Variants in SERPINB3 observed in about 807,000 individuals in gnomAD.
SERPINB3 encodes the protein serpin family B member 3.
Under a neutral mutation model 33.0 loss-of-function variants are expected in SERPINB3, and 33 were observed. That is an observed-to-expected ratio of 1.00 (90% CI 0.76 to 1.34). SERPINB3 has a LOEUF of 1.34. Ranked by LOEUF, SERPINB3 falls within the 40% of genes most tolerant of loss-of-function variation. SERPINB3 has a pLI of 0.00. For missense variants in SERPINB3, 518 were observed against 461.5 expected (o/e 1.12, Z -1.12); for synonymous variants, 200 against 170.9 (o/e 1.17, Z -1.33).
chr18:63,655,600 T>C lies in SERPINB3; in HGVS notation c.*57A>G. The C allele has an allele frequency of 6.6e-7, 1 of 1,526,668 alleles. No homozygotes were observed. The highest frequency in any genetic ancestry group is 2.0e-5 in the Admixed American group (1 of 50,132). 94.6% of individuals were successfully genotyped at this position (1,526,668 alleles called of 1,614,324 possible). A position where few individuals can be genotyped will look rare whatever the true frequency, so the allele number is the denominator to read the frequency against. On this transcript the variant is annotated 3_prime_UTR_variant, in exon 8 of 8. Transcript: ENST00000283752. ...AGAATCTGTTGTTGCCAGCAATCAG[T>C]TTACCAGAACATCTGCAGGTGAACA...
Position 63,657,353 on chromosome 18 carries a change from CA to C in SERPINB3, c.528del (p.Val177Ter). The part of the protein sequence containing the change: ...GNIGSNTTLV[L>X]VNAIYFKGQW... Reference sequence around the variant, plus strand: ...TGCCCTTTGAAATAGATTGCGTTCACAAGAACCAATGTGGTATTGCTGCCAA... The same window carrying C: ...TGCCCTTTGAAATAGATTGCGTTCACAGAACCAATGTGGTATTGCTGCCAA... On this transcript the variant is annotated frameshift_variant, in exon 6 of 8. Coordinates refer to ENST00000283752, the MANE Select transcript of SERPINB3 (RefSeq NM_006919.3). LOFTEE classifies it high-confidence loss of function. 1 of 1,610,666 alleles carries C rather than the reference CA, an allele frequency of 6.2e-7. No homozygotes were observed. The highest frequency in any genetic ancestry group is 8.5e-7 in the Non-Finnish European group (1 of 1,177,718).
rs1181629101 is a variant in SERPINB3 at position 63,655,815 on chromosome 18, C to G, written c.1015G>C (p.Glu339Gln). The change falls in exon 8 of 8, where the codon GAG (glutamate) becomes CAG (glutamine). Residue 339 changes from glutamate (E) to glutamine (Q), a missense_variant. Glu to Gln is a conservative substitution (Grantham distance 29). Transcript: ENST00000283752. ...GTGGCAGCTGCAGCTTCTGCTCCCT[C>G]CTCTGTAACCTCCACAAAGGCCTTG... is the stretch of plus-strand genomic sequence containing the variant. Reference protein sequence around the residue: ...LHKAFVEVTEEGAEAAAATAV... With the variant: ...LHKAFVEVTEQGAEAAAATAV... 1.9e-6 allele frequency: 3 copies of G among 1,613,998 alleles called. No homozygotes were observed. Among genetic ancestry groups the G allele is most frequent in the Admixed American group, 1.7e-5 (1 of 59,992 alleles).
In SERPINB3 at chr18:63,656,912, G is replaced by A. The variant is rs1481187041; in HGVS notation, c.687C>T (p.Ala229=). 1 of 1,613,392 alleles carries A rather than the reference G, an allele frequency of 6.2e-7. No homozygotes were observed. The highest frequency in any genetic ancestry group is 2.2e-5 in the East Asian group (1 of 44,860). ...FHFASLEDVQ[A]KVLEIPYKGK... ...CTTTGTATGGTATTTCCAGGACCTT[G>A]GCCTGTACATCCTCCAGCGAGGCAA... Residue 229 remains alanine (A), a synonymous_variant, in exon 7 of 8, where the codon GCC becomes GCT. Coordinates refer to ENST00000283752, the MANE Select transcript of SERPINB3 (RefSeq NM_006919.3).
At position 63,655,766 on chromosome 18, in the gene SERPINB3, G is replaced by T. The variant is rs778092071; in HGVS notation, c.1064C>A (p.Ser355Ter). ...AATAVVGFGS[S>*]PTSTNEEFHC... ...GAACTCTTCATTAGTTGAAGTAGGT[G>T]ATGATCCGAATCCTACTACAGCGGT... Residue 355 changes from serine to a stop codon, truncating the protein, a stop_gained, in exon 8 of 8, where the codon TCA becomes TAA. Transcript: ENST00000283752. LOFTEE classifies it low-confidence loss of function (END_TRUNC). 52 of 1,613,012 alleles carry T rather than the reference G, an allele frequency of 3.2e-5. 2 individuals carry two copies. In the South Asian group the frequency reaches 5.5e-4, roughly 17 times the overall value.
intron 7 of SERPINB3, among the ~76,000 whole-genome samples, chr18:63,656,531 G>C (rs368664842): frequency 6.6e-6 from 1 of 151,966 alleles, no homozygotes. Context: ...TGGTGTATTC[G>C]TAAACTTTCC....
At chr18:63,657,067 C>A in intron 6 of SERPINB3, 81 bp from the exon 7 acceptor site, 1 of 1,246,960 alleles carries the variant, frequency 8.0e-7, no homozygotes. Flanking sequence ...TCAACACATC[C>A]TTCTTTTAAG....
chr18:63,656,871 A>G lies in SERPINB3; in HGVS notation c.728T>C (p.Met243Thr). 6.2e-7 allele frequency: 1 copy of G among 1,612,944 alleles called. No homozygotes were observed. The change falls in exon 7 of 8, where the codon ATG becomes ACG. Residue 243 changes from methionine to threonine, a missense_variant. By Grantham distance (81) the Met-to-Thr change is moderately conservative. Transcript: ENST00000283752. Reference protein sequence around the residue: ...EIPYKGKDLSMIVLLPNEIDG... With the variant: ...EIPYKGKDLSTIVLLPNEIDG... ...GATTTCATTTGGCAGCAACACAATCATGCTTAGATCTTTGCCTTTGTATGG... is the reference window on the plus strand; with the variant it reads ...GATTTCATTTGGCAGCAACACAATCGTGCTTAGATCTTTGCCTTTGTATGG...
At chr18:63,657,684 C>T (rs1305200123) in intron 5 of SERPINB3, among the ~76,000 whole-genome samples, 1 of 152,006 alleles carries the variant, frequency 6.6e-6, no homozygotes, top group Non-Finnish European at 1.5e-5. Context: ...ATGAATGAGT[C>T]CATTCATCTG....
rs972942906 is a variant in SERPINB3, at chr18:63,657,474, C to T, written c.470-62G>A. 16 of 1,400,298 alleles carry T rather than the reference C, an allele frequency of 1.1e-5. No homozygotes were observed. The African/African-American group carries it at 2.0e-4, about 18-fold the overall frequency. 86.7% of individuals were successfully genotyped at this position (1,400,298 alleles called of 1,614,324 possible). On this transcript the variant is annotated intron_variant, in intron 5 of 7. Coordinates refer to ENST00000283752, the MANE Select transcript of SERPINB3 (RefSeq NM_006919.3). ...CTACAAATGGCTTGTCTGGAAGATG[C>T]TTTGCAAATGTTCGTGACTGATCGT...
intron 4 of SERPINB3, 98 bp from the exon 5 acceptor site, chr18:63,658,728 G>T: frequency 1.1e-6 from 1 of 905,574 alleles, no homozygotes; most frequent in Non-Finnish European, 1.7e-6. Flanking sequence ...GCTGAATCCA[G>T]ACCCTGAATA....
chr18:63,657,913 A>G (rs1012496966), intron 5 of SERPINB3, among the ~76,000 whole-genome samples: 2 of 151,694 alleles, frequency 1.3e-5, no homozygotes, highest in African/African-American at 2.4e-5. Flanking sequence ...GTATCTTCCT[A>G]TTCACTCTCA....
intron 1 of SERPINB3, among the ~76,000 whole-genome samples, chr18:63,661,481 A>T (rs1281670110): frequency 6.6e-6 from 1 of 152,080 alleles, no homozygotes; most frequent in Non-Finnish European, 1.5e-5. Context: ...TAAGTAATAG[A>T]CCCTCTTTCC....
rs577262694 is a variant in SERPINB3 at position 63,655,875 on chromosome 18, C to A, written c.955G>T (p.Gly319Trp). ...CCAGATAGCACGAGACCGCGGCTCC[C>A]GGTCATGCCTGAGAGGTCTGCATCC... Reference protein sequence around the residue: ...NGDADLSGMTGSRGLVLSGVL... With the variant: ...NGDADLSGMTWSRGLVLSGVL... Residue 319 changes from glycine (G) to tryptophan (W), a missense_variant, in exon 8 of 8, where the codon GGG becomes TGG. By Grantham distance (184) the Gly-to-Trp change is radical. Coordinates refer to ENST00000283752, the MANE Select transcript of SERPINB3 (RefSeq NM_006919.3). The A allele has an allele frequency of 6.8e-6, 11 of 1,613,970 alleles. No homozygotes were observed. Among genetic ancestry groups the A allele is most frequent in the South Asian group, 5.5e-5 (5 of 91,074 alleles).
At position 63,658,562 on chromosome 18, in the gene SERPINB3, T is replaced by G. The variant is rs151128643; in HGVS notation, c.420A>C (p.Pro140=). The G allele has an allele frequency of 8.1e-6, 13 of 1,613,188 alleles. No homozygotes were observed. The African/African-American group carries it at 1.6e-4, about 20-fold the overall frequency. Residue 140 remains proline (P), a synonymous_variant, in exon 5 of 8, where the codon CCA becomes CCC. Coordinates refer to ENST00000283752, the MANE Select transcript of SERPINB3 (RefSeq NM_006919.3). ...AGTTAATCTTCTTTCGACTTTCTTCTGGAGCATTTGCAAAATCAACAGATT... is the reference window on the plus strand; with the variant it reads ...AGTTAATCTTCTTTCGACTTTCTTCGGGAGCATTTGCAAAATCAACAGATT... The part of the protein sequence containing the change: ...SVESVDFANA[P]EESRKKINSW...
At position 63,658,544 on chromosome 18, in the gene SERPINB3, C is replaced by A. The variant is rs193238900; in HGVS notation, c.438G>T (p.Lys146Asn). 123 of 1,612,986 alleles carry A rather than the reference C, an allele frequency of 7.6e-5. 1 individual carries two copies. The East Asian group carries it at 1.6e-3, about 21-fold the overall frequency. The change falls in exon 5 of 8, where the codon AAG becomes AAT. Residue 146 changes from lysine (K) to asparagine (N), a missense_variant. Coordinates refer to ENST00000283752, the MANE Select transcript of SERPINB3 (RefSeq NM_006919.3). ...FANAPEESRK[K>N]INSWVESQTN... ...TTTGACTTTCCACCCAGGAGTTAAT[C>A]TTCTTTCGACTTTCTTCTGGAGCAT... is the stretch of plus-strand genomic sequence containing the variant.
intron 5 of SERPINB3, among the ~76,000 whole-genome samples, 200 bp from the exon 6 acceptor site, chr18:63,657,612 A>C (rs1913531988): frequency 1.3e-5 from 2 of 152,138 alleles, no homozygotes; most frequent in Admixed American, 6.5e-5. Context: ...CCAGTCGTAT[A>C]AAGTTGCCCT....
Position 63,659,402 on chromosome 18 carries a change from T to C in SERPINB3, c.348A>G (p.Leu116=). ...TGGGTAGGCCAGGTGAAATTACCTG[T>C]AAAAATAGATACGTTTTTTCTCCGA... is the stretch of plus-strand genomic sequence containing the variant. The part of the protein sequence containing the change: ...KLFGEKTYLF[L]QEYLDAIKKF... Residue 116 remains leucine, a synonymous_variant, in exon 4 of 8, where the codon TTA becomes TTG. Coordinates refer to ENST00000283752, the MANE Select transcript of SERPINB3 (RefSeq NM_006919.3). 6.2e-7 allele frequency: 1 copy of C among 1,613,266 alleles called. No homozygotes were observed. Among genetic ancestry groups the C allele is most frequent in the Non-Finnish European group, 8.5e-7 (1 of 1,179,480 alleles).
At position 63,655,276 on chromosome 18, in the gene SERPINB3, AC is replaced by A. The variant is rs1202181661; in HGVS notation, c.*380del. 2 of 166,584 alleles carry A rather than the reference AC, an allele frequency of 1.2e-5. No individual in the cohort carries two copies. Among genetic ancestry groups the A allele is most frequent in the African/African-American group, 4.8e-5 (2 of 41,818 alleles). The allele number at this position is 166,584 out of a possible 1,614,324, so 10.3% of individuals were successfully genotyped here. A position where few individuals can be genotyped will look rare whatever the true frequency, so the allele number is the denominator to read the frequency against. On this transcript the variant is annotated 3_prime_UTR_variant, in exon 8 of 8. Coordinates refer to ENST00000283752, the MANE Select transcript of SERPINB3 (RefSeq NM_006919.3). ...GAAACATAAGAAGGATTTAGGTATC[AC>A]CTAAATTCAAAGAAATGTGTGTTTC...
At position 63,658,643 on chromosome 18, in the gene SERPINB3, A is replaced by C. The variant is rs374930874; in HGVS notation, c.352-13T>G. On this transcript the variant is annotated splice_polypyrimidine_tract_variant and intron_variant, in intron 4 of 7. Coordinates refer to ENST00000283752, the MANE Select transcript of SERPINB3 (RefSeq NM_006919.3). ...CATCTAAATATTCCTTTGAGATATG[A>C]AGGAAGAAAGTAGGAAGTAAGAGTA... 5 of 1,585,584 alleles carry C rather than the reference A, an allele frequency of 3.2e-6. No homozygotes were observed. The African/African-American group carries it at 6.7e-5, about 21-fold the overall frequency.
Sources: gnomAD v4.1 joint callset for allele counts (sites outside exome capture counted in the v4.1 genomes callset) on GRCh38, gnomAD v4.1.1 for gene constraint, MANE v1.5 for transcripts, NCBI Gene and HGNC (gene_info 2026-07-23, HGNC 2026-07-21) for gene names.